Variants in ZYX observed in about 807,000 individuals in gnomAD.
ZYX encodes the protein zyxin-2.
Under a neutral mutation model 58.1 loss-of-function variants are expected in ZYX, and 37 were observed. The ratio of observed to expected loss-of-function variants is 0.64; its 90% CI spans 0.49 to 0.84. The LOEUF is 0.84. Ranked by LOEUF, ZYX falls within the 40% of genes least tolerant of loss-of-function variation. ZYX has a pLI of 0.00. For missense variants in ZYX, 762 were observed against 761.6 expected, an observed-to-expected ratio of 1.00 and a Z score of -0.01; for synonymous variants, 324 against 321.1, an observed-to-expected ratio of 1.01 and a Z score of -0.10.
intron 5 of ZYX, among the ~76,000 whole-genome samples, chr7:143,386,839 G>C (rs1164719557): frequency 6.6e-6 from 1 of 152,230 alleles, no homozygotes; most frequent in Non-Finnish European, 1.5e-5. Flanking sequence ...CATGATGGAT[G>C]ATGACTGAGA....
rs1416983719 is a variant in ZYX, at chr7:143,384,899, C to T, written c.1023+1577C>T. Among the ~76,000 whole-genome samples, 1 of 152,154 alleles carries T rather than the reference C, an allele frequency of 6.6e-6. No individual in the cohort carries two copies. Among genetic ancestry groups the T allele is most frequent in the African/African-American group, 2.4e-5 (1 of 41,436 alleles). ...GAGCAACAGGTCCCAGGAGGACTTT[C>T]AGCTGGGGCCGTCATTCAGCTAGAA... On this transcript the variant is annotated intron_variant, in intron 5 of 9. Transcript: ENST00000322764. This position sits in a 1 kb window ranked among gnomAD's most constrained non-coding sequence, Gnocchi z 4.9.
Position 143,389,436 on chromosome 7 carries a change from C to A in ZYX, c.1494-421C>A, listed in dbSNP as rs1201751601. Reference sequence around the variant, plus strand: ...ACTTTCAGGATTCCATCTGGGGTGGCCACAACTTCACATCCCTCCACAGTG... The same window carrying A: ...ACTTTCAGGATTCCATCTGGGGTGGACACAACTTCACATCCCTCCACAGTG... On this transcript the variant is annotated intron_variant, in intron 8 of 9. Transcript: ENST00000322764. This position sits in a 1 kb window ranked among gnomAD's most constrained non-coding sequence, Gnocchi z 5.6. 6.6e-6 allele frequency among the ~76,000 whole-genome samples: 1 copy of A among 152,182 alleles called. No homozygotes were observed. Among genetic ancestry groups the A allele is most frequent in the Non-Finnish European group, 1.5e-5 (1 of 68,038 alleles).
Position 143,389,749 on chromosome 7 carries a change from A to G in ZYX, c.1494-108A>G. On this transcript the variant is annotated intron_variant, in intron 8 of 9. Coordinates refer to ENST00000322764, the MANE Select transcript of ZYX (RefSeq NM_003461.5). This position sits in a 1 kb window ranked among gnomAD's most constrained non-coding sequence, Gnocchi z 5.6. ...TCTGGTGAGCTTCCTTCACCTGGAG[A>G]TGCAGGGCAGAGAAGTCTGCTTCCT... The G allele has an allele frequency of 6.7e-7, 1 of 1,496,780 alleles. No homozygotes were observed. 92.7% of individuals were successfully genotyped at this position (1,496,780 alleles called of 1,614,324 possible).
rs1586574347 is a variant in ZYX, at chr7:143,390,861, C to T, written c.*179C>T. ...AACATGGTCTAGGGATGCAGGATCC[C>T]CGCCCTGGGGTCTGGTCCTCGCCCA... is the stretch of plus-strand genomic sequence containing the variant. On this transcript the variant is annotated 3_prime_UTR_variant, in exon 10 of 10. Coordinates refer to ENST00000322764, the MANE Select transcript of ZYX (RefSeq NM_003461.5). The surrounding 1 kb of genome is among the most constrained non-coding windows in gnomAD (Gnocchi z 4.3). 3.4e-6 allele frequency: 2 copies of T among 595,372 alleles called. No homozygotes were observed. The highest frequency in any genetic ancestry group is 2.8e-5 in the East Asian group (1 of 35,226). The allele number at this position is 595,372 out of a possible 1,614,324, so 36.9% of individuals were successfully genotyped here.
intron 5 of ZYX, among the ~76,000 whole-genome samples, chr7:143,386,631 C>A (rs1279654191): frequency 6.9e-6 from 1 of 145,368 alleles, no homozygotes; most frequent in Non-Finnish European, 1.5e-5. Context: ...TGCAGGTGCC[C>A]GGAGGGACAG....
At position 143,382,260 on chromosome 7, in the gene ZYX, C is replaced by T. The variant is rs757664388; in HGVS notation, c.221C>T (p.Pro74Leu). The change falls in exon 3 of 10, where the codon CCT becomes CTT. Residue 74 changes from proline to leucine, a missense_variant. Pro to Leu is a moderately conservative substitution (Grantham distance 98). Coordinates refer to ENST00000322764, the MANE Select transcript of ZYX (RefSeq NM_003461.5). ...PPPPPEDFPL[P>L]PPPLAGDGDD... ...CTTCCTACCCCAGACTTTCCCCTGC[C>T]TCCACCTCCCCTTGCTGGGGATGGC... The T allele has an allele frequency of 2.5e-6, 4 of 1,612,782 alleles. No individual in the cohort carries two copies. Among genetic ancestry groups the T allele is most frequent in the South Asian group, 1.1e-5 (1 of 90,948 alleles).
Position 143,383,100 on chromosome 7 carries a change from TC to T in ZYX, c.803del (p.Pro268GlnfsTer2). The T allele has an allele frequency of 6.2e-7, 1 of 1,614,176 alleles. No individual in the cohort carries two copies. Among genetic ancestry groups the T allele is most frequent in the Non-Finnish European group, 8.5e-7 (1 of 1,180,038 alleles). On this transcript the variant is annotated frameshift_variant, in exon 5 of 10. Transcript: ENST00000322764. LOFTEE classifies it high-confidence loss of function. ...SSPAPAPKFS[P>X]VTPKFTPVAS... ...CTCCGGCTCCAGCCCCTAAGTTTTC[TC>T]CAGTGACTCCTAAGTTTACTCCTGT...
chr7:143,389,069 C>T lies in ZYX; in HGVS notation c.1493+124C>T. 3 of 1,147,286 alleles carry T rather than the reference C, an allele frequency of 2.6e-6. No homozygotes were observed. The highest frequency in any genetic ancestry group is 3.7e-6 in the Non-Finnish European group (3 of 820,126). 71.1% of individuals were successfully genotyped at this position (1,147,286 alleles called of 1,614,324 possible). ...GGTGTTTTCTGGTCCCATGTCCTGT[C>T]TGTAAACAGCAGGGACCAAGTCATC... On this transcript the variant is annotated intron_variant, in intron 8 of 9. Coordinates refer to ENST00000322764, the MANE Select transcript of ZYX (RefSeq NM_003461.5). This position sits in a 1 kb window ranked among gnomAD's most constrained non-coding sequence, Gnocchi z 5.6.
chr7:143,388,151 A>G lies in ZYX; in HGVS notation c.1024-68A>G, dbSNP rs146428528. The G allele has an allele frequency of 5.7e-4, 862 of 1,511,318 alleles. 9 individuals carry two copies. In the African/African-American group the frequency reaches 0.011, roughly 19 times the overall value. 93.6% of individuals were successfully genotyped at this position (1,511,318 alleles called of 1,614,324 possible). A position where few individuals can be genotyped will look rare whatever the true frequency, so the allele number is the denominator to read the frequency against. On this transcript the variant is annotated intron_variant, in intron 5 of 9. Transcript: ENST00000322764. The surrounding 1 kb of genome is among the most constrained non-coding windows in gnomAD (Gnocchi z 7.5). ...TAAGCCTCATCGGAAGAAGCCGGGT[A>G]GGCTGGCCTGGGAAGGTTCTTGGAG...
In ZYX at chr7:143,384,501, G is replaced by T. The variant is rs1804786440; in HGVS notation, c.1023+1179G>T. ...TTCATGATTTTTGAGTAGGTGTGGG[G>T]TGGGTCAGGAGGGCTGGTGAAAGCA... On this transcript the variant is annotated intron_variant, in intron 5 of 9. Transcript: ENST00000322764. This position sits in a 1 kb window ranked among gnomAD's most constrained non-coding sequence, Gnocchi z 4.9. Among the ~76,000 whole-genome samples, 1 of 152,266 alleles carries T rather than the reference G, an allele frequency of 6.6e-6. No homozygotes were observed.
At position 143,387,785 on chromosome 7, in the gene ZYX, C is replaced by G. The variant is rs1249306939; in HGVS notation, c.1024-434C>G. 2.1e-6 allele frequency: 1 copy of G among 473,072 alleles called. No homozygotes were observed. The highest frequency in any genetic ancestry group is 2.0e-5 in the African/African-American group (1 of 50,272). 29.3% of individuals were successfully genotyped at this position (473,072 alleles called of 1,614,324 possible). A position where few individuals can be genotyped will look rare whatever the true frequency, so the allele number is the denominator to read the frequency against. On this transcript the variant is annotated intron_variant, in intron 5 of 9. Transcript: ENST00000322764. This position sits in a 1 kb window ranked among gnomAD's most constrained non-coding sequence, Gnocchi z 5.8. ...AGGGGCTGCTCAGCAGCAGGCAGGC[C>G]GGGTAGGTGTGTGTGCGCGTGTGTG... is the stretch of plus-strand genomic sequence containing the variant.
At chr7:143,386,904 A>G (rs1804884093) in intron 5 of ZYX, among the ~76,000 whole-genome samples, 1 of 152,140 alleles carries the variant, frequency 6.6e-6, no homozygotes, top group South Asian at 2.1e-4. Flanking sequence ...CAGAGGGGGC[A>G]GTTCTGGATA....
intron 5 of ZYX, among the ~76,000 whole-genome samples, chr7:143,386,604 G>A (rs969730819): frequency 3.3e-5 from 5 of 152,218 alleles, no homozygotes; most frequent in South Asian, 2.1e-4. Context: ...AGACTGGGCC[G>A]GATAGCTGCG....
At chr7:143,386,885 G>T (rs560096749) in intron 5 of ZYX, among the ~76,000 whole-genome samples, 1 of 152,286 alleles carries the variant, frequency 6.6e-6, no homozygotes, top group East Asian at 1.9e-4. Flanking sequence ...TGGCATTGGT[G>T]CAGGCTGGCA....
chr7:143,387,334 G>A lies in ZYX; in HGVS notation c.1024-885G>A, dbSNP rs1190744837. Among the ~76,000 whole-genome samples, 1 of 152,054 alleles carries A rather than the reference G, an allele frequency of 6.6e-6. No homozygotes were observed. The highest frequency in any genetic ancestry group is 1.5e-5 in the Non-Finnish European group (1 of 67,994). On this transcript the variant is annotated intron_variant, in intron 5 of 9. Coordinates refer to ENST00000322764, the MANE Select transcript of ZYX (RefSeq NM_003461.5). The surrounding 1 kb of genome is among the most constrained non-coding windows in gnomAD (Gnocchi z 5.8). ...GCTTTGGAGGTTCCAGGTGTTATGG[G>A]AATGAAGGCATCTGCAGGTAGCACA...
rs1805013524 is a variant in ZYX at position 143,390,042 on chromosome 7, C to T, written c.1614+65C>T. ...AGGAGGTGGCGGGAGATGCTGCTTA[C>T]TAACTGGGAGGTGGAAAGCACCAGC... On this transcript the variant is annotated intron_variant, in intron 9 of 9. Transcript: ENST00000322764. The surrounding 1 kb of genome is among the most constrained non-coding windows in gnomAD (Gnocchi z 4.3). 1 of 1,593,274 alleles carries T rather than the reference C, an allele frequency of 6.3e-7. No individual in the cohort carries two copies. Among genetic ancestry groups the T allele is most frequent in the East Asian group, 2.3e-5 (1 of 44,318 alleles).
In ZYX at chr7:143,382,967, A is replaced by G. The variant is rs11978404; in HGVS notation, c.668A>G (p.His223Arg). 3.7e-6 allele frequency: 6 copies of G among 1,613,344 alleles called. No homozygotes were observed. The highest frequency in any genetic ancestry group is 2.2e-5 in the East Asian group (1 of 44,862). ...PAPAQSQTQF[H>R]VQPQPQPKPQ... The stretch of plus-strand genomic sequence containing the variant: ...CCGGCTCAGAGCCAGACACAGTTCC[A>G]TGTTCAGCCCCAGCCCCAGCCCAAG... The change falls in exon 5 of 10, where the codon CAT becomes CGT. Residue 223 changes from histidine (H) to arginine (R), a missense_variant. By Grantham distance (29) the His-to-Arg change is conservative. Coordinates refer to ENST00000322764, the MANE Select transcript of ZYX (RefSeq NM_003461.5).
rs1467442368 is a variant in ZYX at position 143,384,171 on chromosome 7, T to C, written c.1023+849T>C. On this transcript the variant is annotated intron_variant, in intron 5 of 9. Coordinates refer to ENST00000322764, the MANE Select transcript of ZYX (RefSeq NM_003461.5). This position sits in a 1 kb window ranked among gnomAD's most constrained non-coding sequence, Gnocchi z 4.9. ...AGTCCAAGCATCCAGAGTCCACTGA[T>C]AGTGTTGATGTCTACCTACACTCGG... 2.3e-5 allele frequency: 11 copies of C among 471,480 alleles called. No homozygotes were observed. The highest frequency in any genetic ancestry group is 1.6e-4 in the Admixed American group (7 of 42,556). The allele number at this position is 471,480 out of a possible 1,614,324, so 29.2% of individuals were successfully genotyped here.
In ZYX at chr7:143,386,368, T is replaced by G. The variant is rs143681902; in HGVS notation, c.1024-1851T>G. Among the ~76,000 whole-genome samples the G allele has an allele frequency of 9.3e-4, 142 of 151,932 alleles. 2 individuals carry two copies. The East Asian group carries it at 0.025, about 26-fold the overall frequency. ...CTTAAGCTGGCTGGCTTCCATGTCC[T>G]CAACCATGTGGGAGGTGAGGTCACG... On this transcript the variant is annotated intron_variant, in intron 5 of 9. Coordinates refer to ENST00000322764, the MANE Select transcript of ZYX (RefSeq NM_003461.5).
Sources: allele counts gnomAD v4.1 joint callset (sites outside exome capture counted in the v4.1 genomes callset), GRCh38; gene constraint gnomAD v4.1.1; non-coding constraint Gnocchi (gnomAD v3.1); transcripts MANE v1.5; gene names NCBI Gene and HGNC (gene_info 2026-07-23, HGNC 2026-07-21).